Variants in ACIN1 observed in about 807,000 individuals in gnomAD.
The protein encoded by ACIN1 is apoptotic chromatin condensation inducer 1.
A neutral mutation model predicts 146.6 loss-of-function variants in ACIN1; 16 were observed. That is an observed-to-expected ratio of 0.11 (90% CI 0.07 to 0.17). ACIN1 has a LOEUF of 0.17. Ranked by LOEUF, ACIN1 falls within the 10% of genes least tolerant of loss-of-function variation. The pLI, the probability that ACIN1 is intolerant of heterozygous loss-of-function variation, is 1.00. For synonymous variants in ACIN1, 569 were observed against 582.7 expected, an observed-to-expected ratio of 0.98 and a Z score of 0.34; for missense variants, 1,357 against 1,609.3, an observed-to-expected ratio of 0.84 and a Z score of 2.68.
chr14:23,092,097 AT>A (rs78177271), intron 2 of ACIN1, among the ~76,000 whole-genome samples: 38,570 of 147,074 alleles, frequency 0.26, 5,143 homozygotes, highest in African/African-American at 0.35. Flanking sequence ...GCCTTTTCCT[AT>A]TTTTTTTTTT....
chr14:23,073,981 G>A (rs1371539665), intron 8 of ACIN1, among the ~76,000 whole-genome samples: 1 of 151,356 alleles, frequency 6.6e-6, no homozygotes, highest in East Asian at 2.0e-4. Flanking sequence ...TGGGACTACA[G>A]GCACCCTCCA....
chr14:23,095,229 T>G (rs1287105883), upstream of ACIN1: 7 of 1,613,334 alleles, frequency 4.3e-6, no homozygotes, highest in East Asian at 2.2e-5. Context: ...ACCCCTCGAT[T>G]ACCACTCAGA....
chr14:23,082,437 ATTTTTTTTTTTT>A (rs11378976), intron 4 of ACIN1, among the ~76,000 whole-genome samples: 4 of 95,818 alleles, frequency 4.2e-5, no homozygotes, highest in East Asian at 3.1e-4. Context: ...AGAGCTCAAT[ATTTTTTTTTTTT>A]TTTTTTTTTT....
chr14:23,080,242 C>T lies in ACIN1; in HGVS notation c.1093G>A (p.Ala365Thr), dbSNP rs764570064. The T allele has an allele frequency of 5.6e-6, 9 of 1,614,068 alleles. No individual in the cohort carries two copies. Among genetic ancestry groups the T allele is most frequent in the Non-Finnish European group, 5.9e-6 (7 of 1,180,026 alleles). The change falls in exon 6 of 19, where the codon GCA becomes ACA. Residue 365 changes from alanine (A) to threonine (T), a missense_variant. Physicochemically the swap from Ala to Thr is moderately conservative, Grantham distance 58. This residue lies in a region of ACIN1 where 771 missense variants were observed against 746.6 expected (regional missense o/e 1.03). Transcript: ENST00000605057. ...ETPPPLLTKE[A>T]SSPPPHPQLH... ...TGTGGATGAGGTGGTGGAGAAGATG[C>T]TTCCTTTGTTAGTAAAGGTGGAGGA... is the stretch of plus-strand genomic sequence containing the variant.
rs775350982 is a variant in ACIN1 at position 23,059,142 on chromosome 14, TC to T, written c.*5del. 2.5e-6 allele frequency: 4 copies of T among 1,612,500 alleles called. No individual in the cohort carries two copies. The African/African-American group carries it at 5.3e-5, about 22-fold the overall frequency. On this transcript the variant is annotated 3_prime_UTR_variant, in exon 19 of 19. Coordinates refer to ENST00000605057, the MANE Select transcript of ACIN1 (RefSeq NM_001386863.1). ...GCTGGTACCTGCAGCTCTAGTGTTTTCCCAGCTAGCGGCGCCCACCCCGGTC... is the reference window on the plus strand; with the variant it reads ...GCTGGTACCTGCAGCTCTAGTGTTTTCCAGCTAGCGGCGCCCACCCCGGTC...
chr14:23,066,151 G>C (rs1212120757), intron 9 of ACIN1, 143 bp from the exon 10 acceptor site: 2 of 622,586 alleles, frequency 3.2e-6, no homozygotes, highest in South Asian at 2.1e-5. Context: ...GAGACACAGA[G>C]ACAGACAGAG....
chr14:23,085,924 G>A (rs2048079825), intron 4 of ACIN1, among the ~76,000 whole-genome samples: 1 of 152,184 alleles, frequency 6.6e-6, no homozygotes, highest in Admixed American at 6.5e-5. Context: ...AAAGCCAGAA[G>A]GCTTCACAGA....
intron 1 of ACIN1, chr14:23,094,695 CAAG>C (rs1360467162): frequency 7.4e-6 from 5 of 676,988 alleles, no homozygotes; most frequent in Admixed American, 7.3e-5. Context: ...CAGATACAAA[CAAG>C]GAGGGGGTGG....
Position 23,079,572 on chromosome 14 carries a change from C to T in ACIN1, c.1763G>A (p.Arg588His), listed in dbSNP as rs918614053. 20 of 1,584,438 alleles carry T rather than the reference C, an allele frequency of 1.3e-5. No individual in the cohort carries two copies. Among genetic ancestry groups the T allele is most frequent in the Non-Finnish European group, 1.5e-5 (18 of 1,171,826 alleles). Residue 588 changes from arginine (R) to histidine (H), a missense_variant, in exon 6 of 19, where the codon CGT (arginine) becomes CAT (histidine). By Grantham distance (29) the Arg-to-His change is conservative (BLOSUM62 0). Transcript: ENST00000605057. ...TTTTCTGCTGTTGCTTGATGCTGAA[C>T]GAGAACGTGAACGTGACCTTGATCT... ...ESRSRSRSRS[R>H]SASSNSRKSL...
chr14:23,074,442 A>AT (rs2047747829), intron 8 of ACIN1, among the ~76,000 whole-genome samples: 1 of 151,914 alleles, frequency 6.6e-6, no homozygotes, highest in African/African-American at 2.4e-5. Flanking sequence ...AGCCGCGTCT[A>AT]TAGTCCCAGA....
intron 4 of ACIN1, among the ~76,000 whole-genome samples, chr14:23,086,318 T>C (rs2048089800): frequency 6.6e-6 from 1 of 152,234 alleles, no homozygotes; most frequent in Admixed American, 6.5e-5. Flanking sequence ...ATATTCTGAA[T>C]ATGCATTTAA....
At position 23,078,270 on chromosome 14, in the gene ACIN1, T is replaced by C. The variant is rs376743047; in HGVS notation, c.2008-4A>G. The C allele has an allele frequency of 1.1e-5, 17 of 1,613,720 alleles. No individual in the cohort carries two copies. In the East Asian group the frequency reaches 1.3e-4, roughly 13 times the overall value. On this transcript the variant is annotated splice_polypyrimidine_tract_variant and splice_region_variant and intron_variant, in intron 7 of 18. Transcript: ENST00000605057. Reference sequence around the variant, plus strand: ...CTTCACACTTCTTTGGGCTCCCCTGTCAGGAGATAGCAAAAACGAACAGAG... The same window carrying C: ...CTTCACACTTCTTTGGGCTCCCCTGCCAGGAGATAGCAAAAACGAACAGAG...
chr14:23,094,485 C>T (rs894783798), intron 1 of ACIN1: 1 of 985,202 alleles, frequency 1.0e-6, no homozygotes, highest in Non-Finnish European at 1.2e-6. Context: ...GGTCTCTCTT[C>T]ATCTCACCTC....
chr14:23,070,873 GC>G (rs1447650121), intron 8 of ACIN1, among the ~76,000 whole-genome samples: 4 of 152,072 alleles, frequency 2.6e-5, no homozygotes, highest in Non-Finnish European at 5.9e-5. Context: ...AGCTAAACAG[GC>G]CCCCAGAGAA....
chr14:23,093,561 T>C lies in ACIN1; in HGVS notation c.139-17A>G, dbSNP rs2048282483. 3.1e-6 allele frequency: 5 copies of C among 1,610,016 alleles called. No individual in the cohort carries two copies. The Admixed American group carries it at 6.7e-5, about 21-fold the overall frequency. ...CATTAGAGCCTGGTATAGAGAAGGG[T>C]AAAAGTCAGAAATGATGAGGAAAAA... On this transcript the variant is annotated splice_polypyrimidine_tract_variant and intron_variant, in intron 1 of 18. Coordinates refer to ENST00000605057, the MANE Select transcript of ACIN1 (RefSeq NM_001386863.1).
At position 23,063,261 on chromosome 14, in the gene ACIN1, T is replaced by C. The variant is rs2047344801; in HGVS notation, c.2737+175A>G. 4 of 1,122,036 alleles carry C rather than the reference T, an allele frequency of 3.6e-6. No individual in the cohort carries two copies. The Admixed American group carries it at 1.1e-4, about 31-fold the overall frequency. 69.5% of individuals were successfully genotyped at this position (1,122,036 alleles called of 1,614,324 possible). ...CCTCCTCATCATGGAGATTCAAAGA[T>C]TAAACAGAGTCAAATCTGGCCCTCA... is the stretch of plus-strand genomic sequence containing the variant. On this transcript the variant is annotated intron_variant, in intron 13 of 18. Transcript: ENST00000605057.
intron 18 of ACIN1, among the ~76,000 whole-genome samples, chr14:23,060,356 G>A (rs953132740): frequency 2.6e-5 from 4 of 152,118 alleles, no homozygotes; most frequent in Admixed American, 2.0e-4. Flanking sequence ...TACCGTCAGC[G>A]TAGATGTGAA....
chr14:23,069,641 T>TGGGGGGGGGAGGGGGGGG, intron 8 of ACIN1, 24 bp from the exon 9 acceptor site: 1 of 309,222 alleles, frequency 3.2e-6, no homozygotes, highest in East Asian at 7.1e-5. Flanking sequence ...GGAGTGGTGG[T>TGGGGGGGGGAGGGGGGGG]GGGGGGGCGG....
At chr14:23,084,627 A>AG (rs59321926) in intron 4 of ACIN1, among the ~76,000 whole-genome samples, 4 of 151,166 alleles carry the variant, frequency 2.6e-5, no homozygotes, top group South Asian at 4.2e-4. Flanking sequence ...AAAAAAAAAA[A>AG]AAAAAACCCA....
Sources: gnomAD v4.1 joint callset for allele counts (sites outside exome capture counted in the v4.1 genomes callset) on GRCh38, gnomAD v4.1.1 for gene constraint, gnomAD v4.1.1 regional missense constraint, MANE v1.5 for transcripts, NCBI Gene and HGNC (gene_info 2026-07-23, HGNC 2026-07-21) for gene names.